PIWIL4: variants seen among roughly 807,000 people sequenced by gnomAD.
The protein encoded by PIWIL4 is piwi like RNA-mediated gene silencing 4, also known as piwi-like protein 4.
PIWIL4 carries 50 observed loss-of-function variants against 100.9 expected under a neutral mutation model. The ratio of observed to expected loss-of-function variants is 0.50; its 90% CI spans 0.39 to 0.63. The LOEUF is 0.63. Among genes scored for constraint, PIWIL4 ranks in the 20% least tolerant of loss-of-function variants. The probability of loss-of-function intolerance (pLI) is 0.00; values close to 1 mark genes in which losing one functional copy is unlikely to be tolerated. For missense variants in PIWIL4, 887 were observed against 1,043.3 expected, an observed-to-expected ratio of 0.85 and a Z score of 2.06; for synonymous variants, 342 against 367.5, an observed-to-expected ratio of 0.93 and a Z score of 0.79.
Position 94,595,357 on chromosome 11 carries a change from C to G in PIWIL4, c.1199C>G (p.Ala400Gly). The change falls in exon 10 of 20, where the codon GCT becomes GGT. Residue 400 changes from alanine (A) to glycine (G), a missense_variant. Around this residue, in one of 2 missense-constraint regions of PIWIL4, gnomAD observed 741 missense variants for 930.0 expected, o/e 0.80. Coordinates refer to ENST00000299001, the MANE Select transcript of PIWIL4 (RefSeq NM_152431.3). The stretch of plus-strand genomic sequence containing the variant: ...GATTTCCAGCTGATGAAGGCTGTGG[C>G]TGAAAAGACACGTCTCAGTCCTTCA... ...TSDFQLMKAV[A>G]EKTRLSPSGR... 6.2e-7 allele frequency: 1 copy of G among 1,613,994 alleles called. No homozygotes were observed. Among genetic ancestry groups the G allele is most frequent in the Middle Eastern group, 1.7e-4 (1 of 6,060 alleles).
intron 5 of PIWIL4, among the ~76,000 whole-genome samples, chr11:94,585,133 G>T (rs1011629463): frequency 2.6e-5 from 4 of 152,104 alleles, no homozygotes; most frequent in Non-Finnish European, 5.9e-5. Flanking sequence ...CTGCAGGCAT[G>T]GCTTATCTCA....
At chr11:94,580,914 TGGAGAAGGAG>T (rs1565271771) in intron 4 of PIWIL4, among the ~76,000 whole-genome samples, 24 of 126,100 alleles carry the variant, frequency 1.9e-4, no homozygotes, top group South Asian at 2.5e-4. Flanking sequence ...TTTTTTTTTT[TGGAGAAGGAG>T]TTTTGCTCTT....
chr11:94,603,635 G>A (rs1313713515), intron 12 of PIWIL4, among the ~76,000 whole-genome samples: 1 of 152,066 alleles, frequency 6.6e-6, no homozygotes, highest in Non-Finnish European at 1.5e-5. Context: ...TCCTGGTTGA[G>A]CTTGAACACT....
In PIWIL4 at chr11:94,574,972, T is replaced by G. The variant is rs1216341212; in HGVS notation, c.167-27T>G. ...AGTATCACTAGAATGAAATATTAGC[T>G]GTTACCACATTCTCTTCATGTTTTA... On this transcript the variant is annotated intron_variant, in intron 2 of 19. Coordinates refer to ENST00000299001, the MANE Select transcript of PIWIL4 (RefSeq NM_152431.3). 1.9e-6 allele frequency: 3 copies of G among 1,603,100 alleles called. No homozygotes were observed. In the African/African-American group the frequency reaches 4.0e-5, roughly 21 times the overall value.
intron 2 of PIWIL4, among the ~76,000 whole-genome samples, chr11:94,573,255 C>A (rs1451030283): frequency 6.6e-6 from 1 of 152,192 alleles, no homozygotes; most frequent in Non-Finnish European, 1.5e-5. Flanking sequence ...TTGACTTCCT[C>A]TTTTCCTAAT....
At chr11:94,593,674 C>T (rs760299910) in intron 9 of PIWIL4, 33 bp downstream of exon 9, 14 of 1,608,544 alleles carry the variant, frequency 8.7e-6, no homozygotes, top group Non-Finnish European at 3.4e-6. Context: ...CTGTCAGGCT[C>T]CTGGATACAG....
At position 94,616,561 on chromosome 11, in the gene PIWIL4, CTG is replaced by C; in HGVS notation, c.2013_2014del (p.Gly672SerfsTer11). 6.2e-7 allele frequency: 1 copy of C among 1,604,276 alleles called. No individual in the cohort carries two copies. Among genetic ancestry groups the C allele is most frequent in the Non-Finnish European group, 8.5e-7 (1 of 1,174,718 alleles). On this transcript the variant is annotated frameshift_variant and splice_region_variant, in exon 16 of 20. Coordinates refer to ENST00000299001, the MANE Select transcript of PIWIL4 (RefSeq NM_152431.3). LOFTEE classifies it high-confidence loss of function. ...GCAGATTGCTTGAAAGTTTTCATGA[CTG>C]GTACTAAAAATATAGCAATGTGGGT...
At chr11:94,587,957 A>T (rs1050643604) in intron 7 of PIWIL4, among the ~76,000 whole-genome samples, 4 of 152,138 alleles carry the variant, frequency 2.6e-5, no homozygotes, top group Non-Finnish European at 4.4e-5. Context: ...CTTTTTAAAA[A>T]TTTTTTATTT....
At chr11:94,610,901 C>T (rs1948781427) in intron 15 of PIWIL4, among the ~76,000 whole-genome samples, 1 of 152,056 alleles carries the variant, frequency 6.6e-6, no homozygotes, top group Non-Finnish European at 1.5e-5. Context: ...AGAAGTTTTG[C>T]AGTGTAAGAT....
chr11:94,604,007 CT>C lies in PIWIL4; in HGVS notation c.1590del (p.Ala531HisfsTer17), dbSNP rs1189265735. On this transcript the variant is annotated frameshift_variant, in exon 13 of 20. Transcript: ENST00000299001. LOFTEE classifies it high-confidence loss of function. ...PKIIKVQENP[A>X]AFVRAIQQYV... is the part of the protein sequence containing the mutation. ...AGCATAAAAGTACAAGAAAATCCAG[CT>C]GCATTTGTTAGAGCTATACAGCAAT... 6.2e-7 allele frequency: 1 copy of C among 1,606,744 alleles called. No individual in the cohort carries two copies. The highest frequency in any genetic ancestry group is 2.2e-5 in the East Asian group (1 of 44,628).
At chr11:94,602,863 C>G (rs193108166) in intron 12 of PIWIL4, among the ~76,000 whole-genome samples, 8 of 152,270 alleles carry the variant, frequency 5.3e-5, no homozygotes, top group Non-Finnish European at 1.2e-4. Flanking sequence ...GAGTTTCACC[C>G]GCTCTACTTT....
chr11:94,589,213 A>C lies in PIWIL4; in HGVS notation c.1007A>C (p.Tyr336Ser). The C allele has an allele frequency of 6.2e-7, 1 of 1,605,578 alleles. No individual in the cohort carries two copies. Among genetic ancestry groups the C allele is most frequent in the South Asian group, 1.1e-5 (1 of 90,964 alleles). ...AAGCGGGATGGCACCGAGATCACCT[A>C]TGTGGATTACTACAAGCAGGTAGGA... The part of the protein sequence containing the change: ...FQKRDGTEIT[Y>S]VDYYKQQYDI... The change falls in exon 8 of 20, where the codon TAT (tyrosine) becomes TCT (serine). Residue 336 changes from tyrosine (Y) to serine (S), a missense_variant. Physicochemically the swap from Tyr to Ser is moderately radical, Grantham distance 144 (BLOSUM62 -2). Transcript: ENST00000299001.
chr11:94,569,013 C>G (rs1488699698), intron 2 of PIWIL4, among the ~76,000 whole-genome samples: 1 of 152,182 alleles, frequency 6.6e-6, no homozygotes, highest in African/African-American at 2.4e-5. Flanking sequence ...GACGGGACTC[C>G]ATAGATATTA....
intron 13 of PIWIL4, among the ~76,000 whole-genome samples, chr11:94,605,035 C>G (rs1269993286): frequency 6.6e-6 from 1 of 152,180 alleles, no homozygotes; most frequent in Non-Finnish European, 1.5e-5. Context: ...ACCATATTTG[C>G]TTTATTATTT....
chr11:94,618,847 C>T (rs1373235239), intron 17 of PIWIL4, among the ~76,000 whole-genome samples: 1 of 152,210 alleles, frequency 6.6e-6, no homozygotes, highest in African/African-American at 2.4e-5. Flanking sequence ...CACAAAGGAG[C>T]TGAGTCTTGA....
intron 4 of PIWIL4, among the ~76,000 whole-genome samples, chr11:94,579,621 C>A (rs1462014906): frequency 1.3e-5 from 2 of 152,120 alleles, no homozygotes; most frequent in African/African-American, 2.4e-5. Context: ...ACTCTTGGGC[C>A]TTTTGCCTTT....
At chr11:94,613,474 G>A (rs371177132) in intron 15 of PIWIL4, among the ~76,000 whole-genome samples, 1 of 152,120 alleles carries the variant, frequency 6.6e-6, no homozygotes, top group Non-Finnish European at 1.5e-5. Context: ...TTTGAGCTAC[G>A]TGTACCTGGA....
In PIWIL4 at chr11:94,593,652, T is replaced by C. The variant is rs777109850; in HGVS notation, c.1150+11T>C. The C allele has an allele frequency of 8.1e-6, 13 of 1,613,212 alleles. No homozygotes were observed. In the African/African-American group the frequency reaches 1.7e-4, roughly 22 times the overall value. ...TCTGCTTTCTAACAGGTAATGTTTG[T>C]GTTTTATACCTCTGTCAGGCTCCTG... On this transcript the variant is annotated intron_variant, in intron 9 of 19. Transcript: ENST00000299001.
Position 94,577,141 on chromosome 11 carries a change from A to G in PIWIL4, c.299-137A>G, listed in dbSNP as rs529615299. 80 of 675,928 alleles carry G rather than the reference A, an allele frequency of 1.2e-4. No homozygotes were observed. The Admixed American group carries it at 1.3e-3, about 11-fold the overall frequency. 41.9% of individuals were successfully genotyped at this position (675,928 alleles called of 1,614,324 possible). Reference sequence around the variant, plus strand: ...TATTAGGCTGCAAGTTTTAGGATTTATCCTGTGTCACTGTGCAAAAATCCT... The same window carrying G: ...TATTAGGCTGCAAGTTTTAGGATTTGTCCTGTGTCACTGTGCAAAAATCCT... On this transcript the variant is annotated intron_variant, in intron 3 of 19. Transcript: ENST00000299001.
Sources: gnomAD v4.1 joint callset for allele counts (sites outside exome capture counted in the v4.1 genomes callset) on GRCh38, gnomAD v4.1.1 for gene constraint, gnomAD v4.1.1 regional missense constraint, MANE v1.5 for transcripts, NCBI Gene and HGNC (gene_info 2026-07-23, HGNC 2026-07-21) for gene names.